The following USP42 variants were observed in gnomAD, a reference collection of about 807,000 sequenced individuals.
USP42 encodes the protein ubiquitin specific peptidase 42, also known as ubiquitin carboxyl-terminal hydrolase 42.
Under a neutral mutation model 113.0 loss-of-function variants are expected in USP42, and 23 were observed. The ratio of observed to expected loss-of-function variants is 0.20; its 90% confidence interval spans 0.15 to 0.29. The LOEUF (loss-of-function observed/expected upper bound fraction) is 0.29, where lower values mean the gene tolerates loss of function less well. USP42 is among the 10% of genes least tolerant of loss of function. The probability of loss-of-function intolerance (pLI) is 1.00; values close to 1 mark genes in which losing one functional copy is unlikely to be tolerated. For synonymous variants in USP42, 933 were observed against 699.0 expected (o/e 1.33, Z -5.28); for missense variants, 2,174 against 1,779.8 (o/e 1.22, Z -3.99).
chr7:6,151,323 T>C (rs1176547415), intron 14 of USP42, among the ~76,000 whole-genome samples: 2 of 152,264 alleles, frequency 1.3e-5, no homozygotes, highest in Non-Finnish European at 2.9e-5. Context: ...AAACACACCT[T>C]AGCTTACTGT....
Position 6,139,174 on chromosome 7 carries a change from A to T in USP42, c.636A>T (p.Ala212=). ...ACACTGTTGATGCTATGCAGAAAGC[A>T]TGCTTGAATGGCAGCAATAAGTAAG... ...LQYTVDAMQK[A]CLNGSNKLDR... Residue 212 remains alanine, a synonymous_variant, in exon 5 of 18, where the codon GCA becomes GCT. Coordinates refer to ENST00000306177, the MANE Select transcript of USP42 (RefSeq NM_032172.3). This position sits in a 1 kb window ranked among gnomAD's most constrained non-coding sequence, Gnocchi z 4.5. 2 of 1,606,336 alleles carry T rather than the reference A, an allele frequency of 1.2e-6. No homozygotes were observed. The highest frequency in any genetic ancestry group is 1.7e-6 in the Non-Finnish European group (2 of 1,176,530).
rs1310766117 is a variant in USP42 at position 6,111,303 on chromosome 7, T to C, written c.170T>C (p.Val57Ala). 6.2e-7 allele frequency: 1 copy of C among 1,608,382 alleles called. No homozygotes were observed. Among genetic ancestry groups the C allele is most frequent in the African/African-American group, 1.3e-5 (1 of 74,878 alleles). ...AATCACACACTTTCTTTAGGACCAG[T>C]ACCTGGTGCTGTAGTTTATTCGAGT... is the stretch of plus-strand genomic sequence containing the variant. ...VSNHTLSLGPVPGAVVYSSSS... is the reference protein window; with the variant it reads ...VSNHTLSLGPAPGAVVYSSSS... The change falls in exon 2 of 18, where the codon GTA (valine) becomes GCA (alanine). Residue 57 changes from valine (V) to alanine (A), a missense_variant. Coordinates refer to ENST00000306177, the MANE Select transcript of USP42 (RefSeq NM_032172.3).
At chr7:6,147,087 G>C (rs1326762797) in intron 11 of USP42, among the ~76,000 whole-genome samples, 26 of 152,254 alleles carry the variant, frequency 1.7e-4, no homozygotes, top group Admixed American at 1.4e-3. Context: ...CCAACTGGCA[G>C]AATGCTCATG....
intron 3 of USP42, among the ~76,000 whole-genome samples, chr7:6,123,793 A>G (rs1374004697): frequency 6.8e-6 from 1 of 147,058 alleles, no homozygotes; most frequent in Non-Finnish European, 1.5e-5. Context: ...GGATTATGCC[A>G]CTGTACTCCA....
At chr7:6,152,270 AG>A (rs1371154676) in intron 14 of USP42, among the ~76,000 whole-genome samples, 1 of 152,124 alleles carries the variant, frequency 6.6e-6, no homozygotes, top group Non-Finnish European at 1.5e-5. Flanking sequence ...GTTCATCATC[AG>A]GAAGTCGTGT....
At chr7:6,124,894 T>A (rs1780442415) in intron 3 of USP42, among the ~76,000 whole-genome samples, 1 of 152,138 alleles carries the variant, frequency 6.6e-6, no homozygotes, top group Non-Finnish European at 1.5e-5. Context: ...ACATTCCACT[T>A]CTCAGGCCGG....
At chr7:6,147,270 C>T (rs2128511646) in intron 11 of USP42, among the ~76,000 whole-genome samples, 1 of 152,022 alleles carries the variant, frequency 6.6e-6, no homozygotes, top group East Asian at 1.9e-4. Flanking sequence ...AAATATAAGC[C>T]TGGGCAACAA....
chr7:6,105,502 C>T (rs1239486497), intron 1 of USP42, among the ~76,000 whole-genome samples: 1 of 149,504 alleles, frequency 6.7e-6, no homozygotes, highest in Non-Finnish European at 1.5e-5. Flanking sequence ...CACCTCCCGC[C>T]CCGGAGCCCC....
At chr7:6,116,565 T>G (rs1049665991) in intron 3 of USP42, 1 of 309,464 alleles carries the variant, frequency 3.2e-6, no homozygotes, top group Non-Finnish European at 6.1e-6. Context: ...AAAAAAATCC[T>G]TGGTTTCTTT....
chr7:6,158,949 G>T lies in USP42; in HGVS notation c.3944-501G>T. ...GGTGCTGTGGTCAGGCGTTGTCTGTGTGGTGGCCCTGTGTTTCCGTCCCCG... is the reference window on the plus strand; with the variant it reads ...GGTGCTGTGGTCAGGCGTTGTCTGTTTGGTGGCCCTGTGTTTCCGTCCCCG... On this transcript the variant is annotated intron_variant, in intron 16 of 17. Transcript: ENST00000306177. This position sits in a 1 kb window ranked among gnomAD's most constrained non-coding sequence, Gnocchi z 4.2. Among the ~76,000 whole-genome samples, 1 of 152,180 alleles carries T rather than the reference G, an allele frequency of 6.6e-6. No homozygotes were observed. The highest frequency in any genetic ancestry group is 1.9e-4 in the East Asian group (1 of 5,188).
At chr7:6,092,174 TTCTC>T in the USP42 span, among the ~76,000 whole-genome samples, 1 of 134,306 alleles carries the variant, frequency 7.4e-6, no homozygotes, top group Non-Finnish European at 1.6e-5. Context: ...TTTCTTCTTC[TTCTC>T]TTTTTTTTTT....
At position 6,154,406 on chromosome 7, in the gene USP42, G is replaced by T; in HGVS notation, c.2852G>T (p.Gly951Val). The T allele has an allele frequency of 6.3e-7, 1 of 1,576,892 alleles. No individual in the cohort carries two copies. Among genetic ancestry groups the T allele is most frequent in the East Asian group, 2.4e-5 (1 of 42,392 alleles). ...KIGSLRKVDR[G>V]HYRSRRERSS... is the part of the protein sequence containing the mutation. ...GGCAGCCTCAGAAAGGTGGACCGAG[G>T]CCACTACCGCAGCCGGAGAGAGCGC... Residue 951 changes from glycine (G) to valine (V), a missense_variant, in exon 15 of 18, where the codon GGC (glycine) becomes GTC (valine). Coordinates refer to ENST00000306177, the MANE Select transcript of USP42 (RefSeq NM_032172.3).
chr7:6,160,080 A>G (rs577888454), intron 17 of USP42, among the ~76,000 whole-genome samples: 2 of 152,334 alleles, frequency 1.3e-5, no homozygotes, highest in Admixed American at 1.3e-4. Flanking sequence ...CACTGGTTTT[A>G]TACCTGACCC....
upstream of USP42, chr7:6,104,861 T>TGGCGCGCCCCC (rs1476914597): frequency 6.8e-6 from 1 of 146,624 alleles, no homozygotes; most frequent in African/African-American, 2.5e-5. Flanking sequence ...GGCGCGGCCC[T>TGGCGCGCCCCC]GGCGCGCCCC....
rs765517745 is a variant in USP42, at chr7:6,144,139, T to C, written c.933T>C (p.Asn311=). The change falls in exon 9 of 18, where the codon AAT becomes AAC. Residue 311 remains asparagine (N), a synonymous_variant. Transcript: ENST00000306177. ...SKRFTIHRSS[N]VLTLSLKRFA... ...GGTTCACTATCCATAGATCCTCTAA[T>C]GTTCTTACACTTTCTCTGAAACGTT... 2 of 1,596,136 alleles carry C rather than the reference T, an allele frequency of 1.3e-6. No homozygotes were observed. Among genetic ancestry groups the C allele is most frequent in the Admixed American group, 1.8e-5 (1 of 55,522 alleles).
chr7:6,151,756 A>G (rs904199015), intron 14 of USP42, among the ~76,000 whole-genome samples: 2 of 150,542 alleles, frequency 1.3e-5, no homozygotes, highest in Non-Finnish European at 3.0e-5. Context: ...AGAGTCGTTT[A>G]TTGCCATTGT....
chr7:6,156,815 A>C lies in USP42; in HGVS notation c.3703A>C (p.Lys1235Gln), dbSNP rs1438852056. ...TGACGCTGACCTCCACAGACACAAA[A>C]AAAAGAAGAAGAAAAAGAAGAGACA... The part of the protein sequence containing the change: ...CSDADLHRHK[K>Q]KKKKKKRHSR... Residue 1235 changes from lysine to glutamine, a missense_variant, in exon 16 of 18, where the codon AAA becomes CAA. By Grantham distance (53) the Lys-to-Gln change is moderately conservative. Coordinates refer to ENST00000306177, the MANE Select transcript of USP42 (RefSeq NM_032172.3). 6 of 1,607,354 alleles carry C rather than the reference A, an allele frequency of 3.7e-6. No homozygotes were observed. The African/African-American group carries it at 5.4e-5, about 14-fold the overall frequency.
intron 3 of USP42, among the ~76,000 whole-genome samples, chr7:6,122,266 A>G (rs1780265907): frequency 6.8e-6 from 1 of 146,372 alleles, no homozygotes; most frequent in African/African-American, 2.5e-5. Context: ...ATATGTTGAT[A>G]TGTCATGTGT....
rs756212841 is a variant in USP42 at position 6,149,900 on chromosome 7, C to T, written c.1704C>T (p.Asn568=). ...ATTCTGCAGTACAGTCTACCTCGAACGCATCTACGATGTCAGTTTCTAGTA... is the reference window on the plus strand; with the variant it reads ...ATTCTGCAGTACAGTCTACCTCGAATGCATCTACGATGTCAGTTTCTAGTA... ...ITNSAVQSTS[N]ASTMSVSSKV... The change falls in exon 13 of 18, where the codon AAC becomes AAT. Residue 568 remains asparagine (N), a synonymous_variant. Coordinates refer to ENST00000306177, the MANE Select transcript of USP42 (RefSeq NM_032172.3). The T allele has an allele frequency of 1.2e-5, 19 of 1,613,928 alleles. No individual in the cohort carries two copies. The highest frequency in any genetic ancestry group is 1.0e-4 in the Admixed American group (6 of 60,010).
Sources: allele counts gnomAD v4.1 joint callset (sites outside exome capture counted in the v4.1 genomes callset), GRCh38; gene constraint gnomAD v4.1.1; non-coding constraint Gnocchi (gnomAD v3.1); transcripts MANE v1.5; gene names NCBI Gene and HGNC (gene_info 2026-07-23, HGNC 2026-07-21).